NES: variants seen among roughly 807,000 people sequenced by gnomAD.
NES encodes the protein nestin.
NES carries 27 observed loss-of-function variants against 35.6 expected under a neutral mutation model. The observed-to-expected ratio is 0.76, with a 90% CI of 0.56 to 1.04. The LOEUF (loss-of-function observed/expected upper bound fraction) is 1.04. Among genes scored for constraint, NES ranks in the 50% least tolerant of loss-of-function variants. NES has a pLI of 0.00. For synonymous variants in NES, 822 were observed against 824.2 expected (o/e 1.00, Z 0.04); for missense variants, 1,867 against 1,983.6 (o/e 0.94, Z 1.12).
chr1:156,669,925 C>T lies in NES; in HGVS notation c.4263G>A (p.Glu1421=), dbSNP rs753236601. 7 of 1,613,210 alleles carry T rather than the reference C, an allele frequency of 4.3e-6. No homozygotes were observed. Among genetic ancestry groups the T allele is most frequent in the Non-Finnish European group, 5.9e-6 (7 of 1,179,522 alleles). ...TCCCCTCCTCCTGATCCTCCTCTCC[C>T]TCCTCCCCACTTTCTTCCTCATCTG... ...GFADEEESGE[E]GEEDQEEGRE... The change falls in exon 4 of 4, where the codon GAG becomes GAA. Residue 1421 remains glutamate (E), a synonymous_variant. Transcript: ENST00000368223.
In NES at chr1:156,673,318, G is replaced by C. The variant is rs1679777027; in HGVS notation, c.983-113C>G. The C allele has an allele frequency of 6.2e-6, 8 of 1,300,090 alleles. No homozygotes were observed. The East Asian group carries it at 7.1e-5, about 12-fold the overall frequency. 80.5% of individuals were successfully genotyped at this position (1,300,090 alleles called of 1,614,324 possible). ...CATGCGCCTGCCCCTGGCGCCCATG[G>C]CTGGGCTGAGAGCATGCTCACTGAC... On this transcript the variant is annotated intron_variant, in intron 3 of 3. Transcript: ENST00000368223.
Position 156,669,506 on chromosome 1 carries a change from T to C in NES, c.4682A>G (p.Glu1561Gly), listed in dbSNP as rs1369480777. ...TAGCGGCATTCCTTGCCCCACTTCC[T>C]CAGACTGCTCCAGCCCGTTCATCAC... The part of the protein sequence containing the change: ...GGVMNGLEQS[E>G]EVGQGMPLVS... The change falls in exon 4 of 4, where the codon GAG (glutamate) becomes GGG (glycine). Residue 1561 changes from glutamate (E) to glycine (G), a missense_variant. Physicochemically the swap from Glu to Gly is moderately conservative, Grantham distance 98 (BLOSUM62 -2). Transcript: ENST00000368223. 1.2e-6 allele frequency: 2 copies of C among 1,612,770 alleles called. No homozygotes were observed. Among genetic ancestry groups the C allele is most frequent in the East Asian group, 4.5e-5 (2 of 44,834 alleles).
In NES at chr1:156,676,756, G is replaced by A. The variant is rs942662009; in HGVS notation, c.509C>T (p.Ala170Val). The A allele has an allele frequency of 2.9e-6, 4 of 1,356,692 alleles. No individual in the cohort carries two copies. Among genetic ancestry groups the A allele is most frequent in the African/African-American group, 3.1e-5 (2 of 65,042 alleles). 84.0% of individuals were successfully genotyped at this position (1,356,692 alleles called of 1,614,324 possible). Residue 170 changes from alanine to valine, a missense_variant, in exon 1 of 4, where the codon GCG (alanine) becomes GTG (valine). Physicochemically the swap from Ala to Val is moderately conservative, Grantham distance 64. Coordinates refer to ENST00000368223, the MANE Select transcript of NES (RefSeq NM_006617.2). The surrounding 1 kb of genome is among the most constrained non-coding windows in gnomAD (Gnocchi z 5.3). ...CAGCTCCTCTACCTCCGGGGCCGGCGCGGGAGGCCCGCGGGGCGGCGCGGG... is the reference window on the plus strand; with the variant it reads ...CAGCTCCTCTACCTCCGGGGCCGGCACGGGAGGCCCGCGGGGCGGCGCGGG... Reference protein sequence around the residue: ...RCPAPPRGPPAPAPEVEELAR... With the variant: ...RCPAPPRGPPVPAPEVEELAR...
Position 156,673,485 on chromosome 1 carries a change from G to A in NES, c.951C>T (p.Gly317=), listed in dbSNP as rs749664076. 11 of 1,613,024 alleles carry A rather than the reference G, an allele frequency of 6.8e-6. No homozygotes were observed. The highest frequency in any genetic ancestry group is 1.7e-5 in the Admixed American group (1 of 59,968). The change falls in exon 3 of 4, where the codon GGC becomes GGT. Residue 317 remains glycine (G), a synonymous_variant. Coordinates refer to ENST00000368223, the MANE Select transcript of NES (RefSeq NM_006617.2). Reference sequence around the variant, plus strand: ...AGCTGAGGGAAGTCTTGGAGCCACCGCCAGGTGTTTGCAGCCGGGAGTTCT... The same window carrying A: ...AGCTGAGGGAAGTCTTGGAGCCACCACCAGGTGTTTGCAGCCGGGAGTTCT... ...EAENSRLQTP[G]GGSKTSLSFQ... is the part of the protein sequence containing the mutation.
rs372316686 is a variant in NES, at chr1:156,669,860, A to T, written c.4328T>A (p.Val1443Asp). 148 of 1,613,380 alleles carry T rather than the reference A, an allele frequency of 9.2e-5. No individual in the cohort carries two copies. The highest frequency in any genetic ancestry group is 1.2e-4 in the Non-Finnish European group (142 of 1,179,828). The change falls in exon 4 of 4, where the codon GTT becomes GAT. Residue 1443 changes from valine (V) to aspartate (D), a missense_variant. Val to Asp is a radical substitution (Grantham distance 152, BLOSUM62 -3). Transcript: ENST00000368223. ...GCTACTCAGGGCCTGGAGGCTGCCA[A>T]CAGAAGACCCTGGCCCCCACCGCCC... The part of the protein sequence containing the change: ...GAGRWGPGSS[V>D]GSLQALSSSQ...
chr1:156,671,330 T>C lies in NES; in HGVS notation c.2858A>G (p.Asp953Gly). 3.7e-6 allele frequency: 6 copies of C among 1,614,098 alleles called. No homozygotes were observed. Among genetic ancestry groups the C allele is most frequent in the South Asian group, 1.1e-5 (1 of 91,080 alleles). The change falls in exon 4 of 4, where the codon GAT (aspartate) becomes GGT (glycine). Residue 953 changes from aspartate (D) to glycine (G), a missense_variant. Asp to Gly is a moderately conservative substitution (Grantham distance 94). Transcript: ENST00000368223. ...PQSADVQRWE[D>G]TVEKDQELAQ... ...CAGTTCTTGGTCCTTCTCCACCGTA[T>C]CTTCCCACCTCTGCACATCTGCAGA...
Position 156,670,908 on chromosome 1 carries a change from C to A in NES, c.3280G>T (p.Ala1094Ser), listed in dbSNP as rs1679710831. 1 of 1,611,448 alleles carries A rather than the reference C, an allele frequency of 6.2e-7. No homozygotes were observed. The highest frequency in any genetic ancestry group is 1.7e-5 in the Admixed American group (1 of 59,960). The change falls in exon 4 of 4, where the codon GCT becomes TCT. Residue 1094 changes from alanine (A) to serine (S), a missense_variant. Physicochemically the swap from Ala to Ser is moderately conservative, Grantham distance 99. Transcript: ENST00000368223. ...CCCGGGCCTGGCTCAGCTCCCGCAGCAGACTCACCCATGGCAGGCTCTGAC... is the reference window on the plus strand; with the variant it reads ...CCCGGGCCTGGCTCAGCTCCCGCAGAAGACTCACCCATGGCAGGCTCTGAC... ...LGSEPAMGES[A>S]AGAEPGPGQG...
At position 156,676,898 on chromosome 1, in the gene NES, G is replaced by C. The variant is rs771339126; in HGVS notation, c.367C>G (p.Arg123Gly). The change falls in exon 1 of 4, where the codon CGG (arginine) becomes GGG (glycine). Residue 123 changes from arginine to glycine, a missense_variant. Coordinates refer to ENST00000368223, the MANE Select transcript of NES (RefSeq NM_006617.2). The surrounding 1 kb of genome is among the most constrained non-coding windows in gnomAD (Gnocchi z 5.3). Reference protein sequence around the residue: ...RRAVEAEKCARAWLSSQVAEL... With the variant: ...RRAVEAEKCAGAWLSSQVAEL... ...GCCACCTGGCTACTCAGCCAGGCCCGGGCGCATTTCTCTGCCTCGACGGCG... is the reference window on the plus strand; with the variant it reads ...GCCACCTGGCTACTCAGCCAGGCCCCGGCGCATTTCTCTGCCTCGACGGCG... 1 of 1,550,486 alleles carries C rather than the reference G, an allele frequency of 6.4e-7. No homozygotes were observed. The highest frequency in any genetic ancestry group is 1.9e-5 in the Admixed American group (1 of 52,852).
chr1:156,674,377 C>G (rs1285080722), intron 2 of NES, among the ~76,000 whole-genome samples: 1 of 152,212 alleles, frequency 6.6e-6, no homozygotes, highest in Non-Finnish European at 1.5e-5. Context: ...GTGCTGCGGC[C>G]TTCCTTCTGG....
intron 2 of NES, 129 bp downstream of exon 2, chr1:156,675,087 C>A (rs757100530): frequency 8.1e-7 from 1 of 1,232,436 alleles, no homozygotes; most frequent in Non-Finnish European, 1.1e-6. Context: ...AGTGACCAGC[C>A]TAGAGTCACA....
rs779278874 is a variant in NES at position 156,675,300 on chromosome 1, T to C, written c.824A>G (p.Gln275Arg). Residue 275 changes from glutamine to arginine, a missense_variant, in exon 2 of 4, where the codon CAG (glutamine) becomes CGG (arginine). Transcript: ENST00000368223. Reference protein sequence around the residue: ...EALEQEKQGLQSQIAQVLEGR... With the variant: ...EALEQEKQGLRSQIAQVLEGR... ...TTCCAGGACCTGAGCGATCTGGCTC[T>C]GTAGGCCCTGTTTCTCCTGCTCCAG... 1.2e-6 allele frequency: 2 copies of C among 1,613,266 alleles called. No individual in the cohort carries two copies. Among genetic ancestry groups the C allele is most frequent in the Non-Finnish European group, 1.7e-6 (2 of 1,179,658 alleles).
Position 156,670,630 on chromosome 1 carries a change from C to A in NES, c.3558G>T (p.Ala1186=). 1 of 1,613,868 alleles carries A rather than the reference C, an allele frequency of 6.2e-7. No individual in the cohort carries two copies. Among genetic ancestry groups the A allele is most frequent in the Non-Finnish European group, 8.5e-7 (1 of 1,179,920 alleles). ...TGTGGCCCAGGGTCTCAGCAGGGAA[C>A]GCCTCCTCTGCTCCCCTGGGGGCCT... is the stretch of plus-strand genomic sequence containing the variant. ...EAEAPRGAEE[A]FPAETLGHTG... Residue 1186 remains alanine (A), a synonymous_variant, in exon 4 of 4, where the codon GCG becomes GCT. Transcript: ENST00000368223.
chr1:156,676,985 G>A lies in NES; in HGVS notation c.280C>T (p.Arg94Ter), dbSNP rs749299768. The A allele has an allele frequency of 3.2e-6, 5 of 1,569,392 alleles. No individual in the cohort carries two copies. Among genetic ancestry groups the A allele is most frequent in the Non-Finnish European group, 4.3e-6 (5 of 1,165,294 alleles). Residue 94 changes from arginine to a stop codon, truncating the protein, a stop_gained, in exon 1 of 4, where the codon CGA becomes TGA. Coordinates refer to ENST00000368223, the MANE Select transcript of NES (RefSeq NM_006617.2). LOFTEE classifies it high-confidence loss of function. This position sits in a 1 kb window ranked among gnomAD's most constrained non-coding sequence, Gnocchi z 5.3. ...CGGGCCAGCCGCAGCTGCTGGCATC[G>A]GCCTGCCACGCCCTCCAGCTCTTCA... ...LAEELEGVAG[R>*]CQQLRLARER... is the part of the protein sequence containing the mutation.
intron 1 of NES, 31 bp from the exon 2 acceptor site, chr1:156,675,371 G>C: frequency 6.3e-7 from 1 of 1,580,294 alleles, no homozygotes; most frequent in African/African-American, 1.3e-5. Flanking sequence ...AGTCAGTGGA[G>C]GGGCTGGGGT....
Position 156,671,851 on chromosome 1 carries a change from G to C in NES, c.2337C>G (p.Pro779=), listed in dbSNP as rs1679740770. The change falls in exon 4 of 4, where the codon CCC becomes CCG. Residue 779 remains proline (P), a synonymous_variant. Coordinates refer to ENST00000368223, the MANE Select transcript of NES (RefSeq NM_006617.2). The stretch of plus-strand genomic sequence containing the variant: ...GTGGTTCTAGATCCACTTTTTCTGG[G>C]GGTCTTAATGTCATCTGATCCTGTT... ...LGEQDQMTLR[P]PEKVDLEPLK... The C allele has an allele frequency of 6.2e-7, 1 of 1,613,446 alleles. No individual in the cohort carries two copies. Among genetic ancestry groups the C allele is most frequent in the African/African-American group, 1.3e-5 (1 of 74,884 alleles).
Position 156,671,142 on chromosome 1 carries a change from T to C in NES, c.3046A>G (p.Ser1016Gly), listed in dbSNP as rs765367723. ...CCTCTCTGCTCTTTGGGCTCAGGGCTCTCTGGGTGCCCCTCGCCTGGGATC... is the reference window on the plus strand; with the variant it reads ...CCTCTCTGCTCTTTGGGCTCAGGGCCCTCTGGGTGCCCCTCGCCTGGGATC... ...VWIPGEGHPE[S>G]PEPKEQRGLV... The change falls in exon 4 of 4, where the codon AGC (serine) becomes GGC (glycine). Residue 1016 changes from serine (S) to glycine (G), a missense_variant. Transcript: ENST00000368223. 37 of 1,613,962 alleles carry C rather than the reference T, an allele frequency of 2.3e-5. No individual in the cohort carries two copies. Among genetic ancestry groups the C allele is most frequent in the Non-Finnish European group, 3.1e-5 (36 of 1,180,010 alleles).
At position 156,677,098 on chromosome 1, in the gene NES, G is replaced by A. The variant is rs374324608; in HGVS notation, c.167C>T (p.Ala56Val). 93 of 1,602,816 alleles carry A rather than the reference G, an allele frequency of 5.8e-5. 1 individual carries two copies. Among genetic ancestry groups the A allele is most frequent in the Non-Finnish European group, 7.3e-5 (86 of 1,175,886 alleles). The change falls in exon 1 of 4, where the codon GCC (alanine) becomes GTC (valine). Residue 56 changes from alanine to valine, a missense_variant. Transcript: ENST00000368223. The surrounding 1 kb of genome is among the most constrained non-coding windows in gnomAD (Gnocchi z 4.5). ...QSADTSWRAH[A>V]DDELAALRAL... ...CCGCAGGGCCGCCAGCTCGTCGTCG[G>A]CATGCGCCCGCCAGGAGGTGTCCGC...
At position 156,676,980 on chromosome 1, in the gene NES, G is replaced by T; in HGVS notation, c.285C>A (p.Cys95Ter). ...GCTCCCGGGCCAGCCGCAGCTGCTG[G>T]CATCGGCCTGCCACGCCCTCCAGCT... Reference protein sequence around the residue: ...AEELEGVAGRCQQLRLARERT... With the variant: ...AEELEGVAGR Residue 95 changes from cysteine to a stop codon, truncating the protein, a stop_gained, in exon 1 of 4, where the codon TGC becomes TGA. Transcript: ENST00000368223. LOFTEE classifies it high-confidence loss of function. The surrounding 1 kb of genome is among the most constrained non-coding windows in gnomAD (Gnocchi z 5.3). 6.4e-7 allele frequency: 1 copy of T among 1,567,166 alleles called. No homozygotes were observed.
Position 156,671,379 on chromosome 1 carries a change from C to T in NES, c.2809G>A (p.Glu937Lys), listed in dbSNP as rs1212786301. ...EYQESLRSLEEEGQELPQSAD... is the reference protein window; with the variant it reads ...EYQESLRSLEKEGQELPQSAD... Reference sequence around the variant, plus strand: ...GACTGCGGCAGCTCCTGTCCCTCCTCCTCCAGAGACCTCAGTGACTCTTGG... The same window carrying T: ...GACTGCGGCAGCTCCTGTCCCTCCTTCTCCAGAGACCTCAGTGACTCTTGG... Residue 937 changes from glutamate to lysine, a missense_variant, in exon 4 of 4, where the codon GAG becomes AAG. Glu to Lys is a moderately conservative substitution (Grantham distance 56). Transcript: ENST00000368223. 37 of 1,614,080 alleles carry T rather than the reference C, an allele frequency of 2.3e-5. No individual in the cohort carries two copies. The highest frequency in any genetic ancestry group is 3.1e-5 in the Non-Finnish European group (36 of 1,180,040).
Sources: allele counts gnomAD v4.1 joint callset (sites outside exome capture counted in the v4.1 genomes callset), GRCh38; gene constraint gnomAD v4.1.1; non-coding constraint Gnocchi (gnomAD v3.1); transcripts MANE v1.5; gene names NCBI Gene and HGNC (gene_info 2026-07-23, HGNC 2026-07-21).